COL23A1: variants seen among roughly 807,000 people sequenced by gnomAD.
COL23A1 encodes the protein collagen alpha-1(XXIII) chain.
COL23A1 carries 97 observed loss-of-function variants against 99.3 expected under a neutral mutation model. The observed-to-expected ratio is 0.98, with a 90% CI of 0.83 to 1.16. COL23A1 has a LOEUF of 1.16. Ranked by LOEUF, COL23A1 falls within the 50% of genes most tolerant of loss-of-function variation. The pLI, the probability that COL23A1 is intolerant of heterozygous loss-of-function variation, is 0.00. For missense variants in COL23A1, 762 were observed against 757.4 expected (o/e 1.01, Z -0.07); for synonymous variants, 320 against 308.2 (o/e 1.04, Z -0.40).
chr5:178,467,123 G>T (rs1756465841), intron 2 of COL23A1, among the ~76,000 whole-genome samples: 2 of 152,262 alleles, frequency 1.3e-5, no homozygotes, highest in Non-Finnish European at 2.9e-5. Flanking sequence ...CATGTGGACT[G>T]AACCCTGAGC....
At chr5:178,317,534 T>C (rs998703549) in intron 2 of COL23A1, among the ~76,000 whole-genome samples, 3 of 152,230 alleles carry the variant, frequency 2.0e-5, no homozygotes, top group Non-Finnish European at 4.4e-5. Context: ...CTGATCAAAA[T>C]TACCTTTTGT....
At chr5:178,379,325 T>C (rs35063570) in intron 2 of COL23A1, among the ~76,000 whole-genome samples, 16,445 of 151,882 alleles carry the variant, frequency 0.11, 1,805 homozygotes, top group African/African-American at 0.29. Context: ...ACTGGAAAAG[T>C]GAAACAAGCA....
intron 2 of COL23A1, among the ~76,000 whole-genome samples, chr5:178,412,010 T>C (rs1765080096): frequency 6.6e-6 from 1 of 152,226 alleles, no homozygotes; most frequent in African/African-American, 2.4e-5. Flanking sequence ...TTTTCATCTT[T>C]GACTAGGCAA....
intron 2 of COL23A1, among the ~76,000 whole-genome samples, chr5:178,433,693 T>C (rs1766391070): frequency 6.6e-6 from 1 of 152,222 alleles, no homozygotes. Flanking sequence ...TAGAGTTCTG[T>C]GTCAGAACCA....
chr5:178,332,036 G>A (rs1760057390), intron 2 of COL23A1, among the ~76,000 whole-genome samples: 1 of 152,190 alleles, frequency 6.6e-6, no homozygotes. Context: ...TCTCTGAGCT[G>A]GGCCTGGCAC....
intron 2 of COL23A1, among the ~76,000 whole-genome samples, chr5:178,416,934 G>GC: frequency 6.6e-6 from 1 of 152,298 alleles, no homozygotes; most frequent in African/African-American, 2.4e-5. Flanking sequence ...CCTGACCACA[G>GC]CCCGAGATCT....
chr5:178,522,578 T>C (rs558840291), intron 2 of COL23A1, among the ~76,000 whole-genome samples: 2 of 152,134 alleles, frequency 1.3e-5, no homozygotes, highest in South Asian at 2.1e-4. Context: ...GGTCAGCACA[T>C]GTAATGAAGC....
chr5:178,339,722 T>C lies in COL23A1; in HGVS notation c.362-32803A>G, dbSNP rs77882572. Reference sequence around the variant, plus strand: ...CAGTGGGCCTCACTTCCCACTGCCTTGTATGGGGTGGGAGCCTCCAGCTGA... The same window carrying C: ...CAGTGGGCCTCACTTCCCACTGCCTCGTATGGGGTGGGAGCCTCCAGCTGA... On this transcript the variant is annotated intron_variant, in intron 2 of 28. Transcript: ENST00000390654. Among the ~76,000 whole-genome samples, 1,290 of 152,208 alleles carry C rather than the reference T, an allele frequency of 8.5e-3. 20 individuals are homozygous for C. The highest frequency in any genetic ancestry group is 0.03 in the African/African-American group (1,226 of 41,536).
chr5:178,467,033 C>G (rs10041736), intron 2 of COL23A1, among the ~76,000 whole-genome samples: 1 of 152,302 alleles, frequency 6.6e-6, no homozygotes, highest in East Asian at 1.9e-4. Flanking sequence ...TATATATATA[C>G]GTAAAATGCC....
At chr5:178,551,010 T>C (rs1761968644) in intron 2 of COL23A1, among the ~76,000 whole-genome samples, 1 of 152,108 alleles carries the variant, frequency 6.6e-6, no homozygotes, top group South Asian at 2.1e-4. Context: ...CGCTTGATTC[T>C]GGAACCATCT....
chr5:178,262,811 T>C (rs1765707504), intron 9 of COL23A1, among the ~76,000 whole-genome samples: 2 of 152,000 alleles, frequency 1.3e-5, no homozygotes, highest in Admixed American at 1.3e-4. Context: ...CTGGGTCTGT[T>C]TGAAGTTAGA....
At chr5:178,510,238 C>T (rs1759124178) in intron 2 of COL23A1, among the ~76,000 whole-genome samples, 1 of 152,206 alleles carries the variant, frequency 6.6e-6, no homozygotes, top group Admixed American at 6.5e-5. Context: ...GTTAAGTTGA[C>T]AGAATTAGAA....
intron 2 of COL23A1, among the ~76,000 whole-genome samples, chr5:178,327,255 C>G (rs1759738130): frequency 6.6e-6 from 1 of 152,190 alleles, no homozygotes; most frequent in South Asian, 2.1e-4. Flanking sequence ...TCACAATAAT[C>G]TGGGAGATAA....
intron 2 of COL23A1, among the ~76,000 whole-genome samples, chr5:178,325,410 C>T (rs1759592341): frequency 6.6e-6 from 1 of 152,214 alleles, no homozygotes; most frequent in African/African-American, 2.4e-5. Context: ...TCCTAGCCCA[C>T]CTTTAGCCAG....
chr5:178,322,844 A>G (rs987570108), intron 2 of COL23A1, among the ~76,000 whole-genome samples: 7 of 152,150 alleles, frequency 4.6e-5, no homozygotes, highest in African/African-American at 1.7e-4. Flanking sequence ...ACAGGCATGC[A>G]CCACAACGCA....
intron 2 of COL23A1, among the ~76,000 whole-genome samples, chr5:178,507,530 T>G (rs1031638416): frequency 2.6e-5 from 4 of 152,228 alleles, no homozygotes; most frequent in Non-Finnish European, 5.9e-5. Flanking sequence ...AAGGGCCTGG[T>G]GCATGGTCGA....
chr5:178,302,388 CGCCGGAGCACG>C (rs1758117376), intron 3 of COL23A1, among the ~76,000 whole-genome samples: 1 of 117,614 alleles, frequency 8.5e-6, no homozygotes. Context: ...CCTGTGTGTG[CGCCGGAGCACG>C]GCTTCAATCC....
At chr5:178,577,981 T>TTA (rs141291600) in intron 1 of COL23A1, among the ~76,000 whole-genome samples, 19,199 of 152,166 alleles carry the variant, frequency 0.13, 1,730 homozygotes, top group East Asian at 0.39. Flanking sequence ...TCTGGGGACC[T>TTA]TATAAAGTCT....
At chr5:178,587,639 T>C (rs1268881713) in intron 1 of COL23A1, among the ~76,000 whole-genome samples, 1 of 152,230 alleles carries the variant, frequency 6.6e-6, no homozygotes, top group Non-Finnish European at 1.5e-5. Context: ...CAGCTTCAAG[T>C]ACAAATGTTC....
Sources: allele counts gnomAD v4.1 joint callset (sites outside exome capture counted in the v4.1 genomes callset), GRCh38; gene constraint gnomAD v4.1.1; transcripts MANE v1.5; gene names NCBI Gene and HGNC (gene_info 2026-07-23, HGNC 2026-07-21).